Variants in RYR3 observed in about 807,000 individuals in gnomAD.
RYR3 encodes ryanodine receptor 3.
A neutral mutation model predicts 584.3 loss-of-function variants in RYR3; 207 were observed. The observed-to-expected ratio is 0.35, with a 90% confidence interval of 0.32 to 0.40. RYR3 has a LOEUF of 0.40. Ranked by LOEUF, RYR3 falls within the 10% of genes least tolerant of loss-of-function variation. The probability of loss-of-function intolerance (pLI) is 1.00; values close to 1 mark genes in which losing one functional copy is unlikely to be tolerated. For synonymous variants in RYR3, 2,416 were observed against 2,248.5 expected (o/e 1.07, Z -2.11); for missense variants, 5,616 against 6,089.2 (o/e 0.92, Z 2.59).
intron 38 of RYR3, among the ~76,000 whole-genome samples, chr15:33,688,357 G>A (rs935850498): frequency 6.6e-6 from 1 of 151,894 alleles, no homozygotes; most frequent in African/African-American, 2.4e-5. Context: ...GGCAGATCAC[G>A]AGACAGGAGA....
intron 1 of RYR3, among the ~76,000 whole-genome samples, chr15:33,359,856 C>G (rs1056747339): frequency 6.6e-6 from 1 of 151,900 alleles, no homozygotes; most frequent in African/African-American, 2.4e-5. Flanking sequence ...CTCCTGACCT[C>G]GTGATCCGTC....
chr15:33,337,252 G>A (rs991718315), intron 1 of RYR3, among the ~76,000 whole-genome samples: 2 of 151,994 alleles, frequency 1.3e-5, no homozygotes, highest in Non-Finnish European at 2.9e-5. Context: ...CAGATTCCTA[G>A]AGGAATGTAA....
At position 33,550,345 on chromosome 15, in the gene RYR3, C is replaced by T. The variant is rs753945; in HGVS notation, c.972+29C>T. On this transcript the variant is annotated intron_variant, in intron 10 of 103. Coordinates refer to ENST00000634891, the MANE Select transcript of RYR3 (RefSeq NM_001036.6). Reference sequence around the variant, plus strand: ...AGGTGTGATAAAGTGGACTTTGACCCTGTTCTAAAAGTGAAAACTCAGAAA... The same window carrying T: ...AGGTGTGATAAAGTGGACTTTGACCTTGTTCTAAAAGTGAAAACTCAGAAA... 6.8e-3 allele frequency: 10,795 copies of T among 1,596,066 alleles called. 444 individuals carry two copies. The African/African-American group carries it at 0.11, about 16-fold the overall frequency.
In RYR3 at chr15:33,750,177, C is replaced by A. The variant is rs764838604; in HGVS notation, c.8290C>A (p.Pro2764Thr). The A allele has an allele frequency of 3.7e-6, 6 of 1,609,512 alleles. No homozygotes were observed. The highest frequency in any genetic ancestry group is 5.1e-6 in the Non-Finnish European group (6 of 1,178,042). ...ACTGACCCCAGGTGGTGGCAGCCAC[C>A]CTCTTCTGGTACCATATGACACCTT... ...ELESKGGGSH[P>T]LLVPYDTLTA... The change falls in exon 57 of 104, where the codon CCT (proline) becomes ACT (threonine). Residue 2764 changes from proline to threonine, a missense_variant. Pro to Thr is a conservative substitution (Grantham distance 38). Around this residue, in one of 9 missense-constraint regions of RYR3, gnomAD observed 1,280 missense variants for 1,426.2 expected, o/e 0.90. Coordinates refer to ENST00000634891, the MANE Select transcript of RYR3 (RefSeq NM_001036.6).
chr15:33,835,955 A>G (rs997264459), intron 87 of RYR3, among the ~76,000 whole-genome samples: 6 of 152,130 alleles, frequency 3.9e-5, no homozygotes, highest in Non-Finnish European at 7.4e-5. Context: ...TCTCTGAAAT[A>G]TCCCAAGTTA....
At chr15:33,549,656 A>G (rs1262297544) in intron 9 of RYR3, among the ~76,000 whole-genome samples, 2 of 152,180 alleles carry the variant, frequency 1.3e-5, no homozygotes, top group African/African-American at 4.8e-5. Context: ...TCCTTTTAAC[A>G]TAATTCATTG....
chr15:33,489,714 T>G (rs1204645180), intron 2 of RYR3, among the ~76,000 whole-genome samples: 11 of 152,358 alleles, frequency 7.2e-5, no homozygotes, highest in East Asian at 3.9e-4. Context: ...CCTCTAGGTA[T>G]GTACCCAGTA....
At chr15:33,339,335 G>A (rs4780109) in intron 1 of RYR3, among the ~76,000 whole-genome samples, 93,437 of 152,064 alleles carry the variant, frequency 0.61, 28,815 homozygotes, top group Middle Eastern at 0.64. Context: ...ACTTCTGCCC[G>A]TATTTTGGAG....
chr15:33,790,022 C>T (rs1193609697), intron 67 of RYR3, among the ~76,000 whole-genome samples: 2 of 83,184 alleles, frequency 2.4e-5, no homozygotes, highest in African/African-American at 6.2e-5. Flanking sequence ...GACAGAGTCT[C>T]ACTCTGTCAC....
intron 36 of RYR3, among the ~76,000 whole-genome samples, chr15:33,668,927 T>G (rs1039315560): frequency 7.2e-5 from 11 of 152,154 alleles, no homozygotes; most frequent in African/African-American, 2.4e-4. Context: ...ATTATAATTC[T>G]TCCATATAAT....
intron 1 of RYR3, among the ~76,000 whole-genome samples, chr15:33,425,818 A>ATT (rs780527667): frequency 4.0e-5 from 6 of 151,446 alleles, no homozygotes; most frequent in Non-Finnish European, 8.8e-5. Context: ...ATTTTTTTGT[A>ATT]TTTTTAGTAG....
At chr15:33,641,754 C>T (rs745622718) in intron 27 of RYR3, among the ~76,000 whole-genome samples, 1 of 152,192 alleles carries the variant, frequency 6.6e-6, no homozygotes, top group Non-Finnish European at 1.5e-5. Flanking sequence ...TACTCTGTGC[C>T]TCCCATTGCT....
intron 19 of RYR3, among the ~76,000 whole-genome samples, chr15:33,614,983 CT>C (rs1280997912): frequency 1.3e-5 from 2 of 152,158 alleles, no homozygotes; most frequent in Non-Finnish European, 2.9e-5. Flanking sequence ...TTCTCTGCCT[CT>C]TTCCTCGTAC....
At chr15:33,825,050 G>A (rs889651973) in intron 81 of RYR3, among the ~76,000 whole-genome samples, 2 of 152,120 alleles carry the variant, frequency 1.3e-5, no homozygotes, top group Non-Finnish European at 2.9e-5. Context: ...CATTCCCTGT[G>A]GAAAGCGGAA....
chr15:33,319,762 G>A (rs1968695174), intron 1 of RYR3, among the ~76,000 whole-genome samples: 1 of 152,124 alleles, frequency 6.6e-6, no homozygotes, highest in South Asian at 2.1e-4. Flanking sequence ...ATTTCCTCCA[G>A]GAGAACTAGA....
intron 3 of RYR3, among the ~76,000 whole-genome samples, chr15:33,511,521 A>G (rs2053002169): frequency 6.6e-6 from 1 of 151,912 alleles, no homozygotes; most frequent in Non-Finnish European, 1.5e-5. Context: ...TGCATGGACA[A>G]CTGACTTCAA....
chr15:33,594,264 T>A (rs2059269932), intron 16 of RYR3, among the ~76,000 whole-genome samples: 1 of 152,182 alleles, frequency 6.6e-6, no homozygotes, highest in South Asian at 2.1e-4. Context: ...AACCAGTGTA[T>A]CCAACTGTGC....
chr15:33,435,044 T>G (rs2045540692), intron 1 of RYR3, among the ~76,000 whole-genome samples: 1 of 151,856 alleles, frequency 6.6e-6, no homozygotes, highest in African/African-American at 2.4e-5. Context: ...ATGGTCTCAA[T>G]CTCCTGACCT....
At chr15:33,586,705 C>G (rs1427954486) in intron 16 of RYR3, among the ~76,000 whole-genome samples, 2 of 152,130 alleles carry the variant, frequency 1.3e-5, no homozygotes, top group African/African-American at 4.8e-5. Flanking sequence ...AAGGGCATCT[C>G]ACTAAGTGGA....
Sources: gnomAD v4.1 joint callset for allele counts (sites outside exome capture counted in the v4.1 genomes callset) on GRCh38, gnomAD v4.1.1 for gene constraint, gnomAD v4.1.1 regional missense constraint, MANE v1.5 for transcripts, NCBI Gene and HGNC (gene_info 2026-07-23, HGNC 2026-07-21) for gene names.